Variants in NCKAP5 observed in about 807,000 individuals in gnomAD.
NCKAP5 encodes NCK associated protein 5, also known as nck-associated protein 5.
In NCKAP5, 92 loss-of-function variants were observed where a neutral mutation model predicts 167.0. That is an observed-to-expected ratio of 0.55 (90% CI 0.47 to 0.66). The LOEUF (loss-of-function observed/expected upper bound fraction) is 0.66, where lower values mean the gene tolerates loss of function less well. Ranked by LOEUF, NCKAP5 falls within the 30% of genes least tolerant of loss-of-function variation. NCKAP5 has a pLI of 0.00. For missense variants in NCKAP5, 2,378 were observed against 2,315.0 expected (o/e 1.03, Z -0.56); for synonymous variants, 891 against 877.4 (o/e 1.02, Z -0.27).
chr2:132,977,439 C>T (rs2149257015), intron 7 of NCKAP5, among the ~76,000 whole-genome samples: 1 of 152,076 alleles, frequency 6.6e-6, no homozygotes, highest in Non-Finnish European at 1.5e-5. Flanking sequence ...TAACTGACAC[C>T]CCCTGCCACA....
At chr2:133,428,008 T>C (rs1407104035) in intron 3 of NCKAP5, among the ~76,000 whole-genome samples, 1 of 152,114 alleles carries the variant, frequency 6.6e-6, no homozygotes, top group Non-Finnish European at 1.5e-5. Context: ...ACAGGTATTA[T>C]CATAAAAGTG....
intron 4 of NCKAP5, among the ~76,000 whole-genome samples, chr2:133,289,394 T>C (rs759209872): frequency 8.3e-6 from 1 of 120,830 alleles, no homozygotes; most frequent in Admixed American, 9.2e-5. Context: ...GCCCGGGTCA[T>C]TGTTATTTGT....
intron 6 of NCKAP5, 64 bp downstream of exon 6, chr2:133,129,914 A>G: frequency 6.8e-7 from 1 of 1,479,732 alleles, no homozygotes; most frequent in Non-Finnish European, 9.0e-7. Context: ...CATTCAATCC[A>G]AGGTGTTACT....
intron 16 of NCKAP5, among the ~76,000 whole-genome samples, chr2:132,747,761 TG>T (rs1679773352): frequency 6.6e-6 from 1 of 152,208 alleles, no homozygotes; most frequent in Admixed American, 6.5e-5. Context: ...GTGCTTCACT[TG>T]TATTATGTCA....
At chr2:133,558,870 T>G (rs13407190) in intron 2 of NCKAP5, among the ~76,000 whole-genome samples, 180 bp downstream of exon 2, 1 of 152,044 alleles carries the variant, frequency 6.6e-6, no homozygotes, top group Non-Finnish European at 1.5e-5. Flanking sequence ...CATTTGACAT[T>G]AGGATTAAAC....
intron 3 of NCKAP5, among the ~76,000 whole-genome samples, chr2:133,344,775 A>G (rs1452286367): frequency 6.6e-6 from 1 of 152,134 alleles, no homozygotes; most frequent in Non-Finnish European, 1.5e-5. Context: ...ATATACCACC[A>G]TTAGATGCAA....
At chr2:132,893,830 TAA>T (rs1464738733) in intron 8 of NCKAP5, among the ~76,000 whole-genome samples, 1 of 152,186 alleles carries the variant, frequency 6.6e-6, no homozygotes. Flanking sequence ...TTTTTAATTA[TAA>T]ATATACATTT....
chr2:133,290,428 C>T (rs1679494906), intron 4 of NCKAP5, among the ~76,000 whole-genome samples: 1 of 152,150 alleles, frequency 6.6e-6, no homozygotes, highest in African/African-American at 2.4e-5. Context: ...TTATGAGATA[C>T]AAATATACAT....
chr2:133,404,180 G>T (rs958066621), intron 3 of NCKAP5, among the ~76,000 whole-genome samples: 3 of 152,174 alleles, frequency 2.0e-5, no homozygotes, highest in African/African-American at 7.2e-5. Context: ...ACTACATTTT[G>T]ATCATGACTG....
intron 6 of NCKAP5, among the ~76,000 whole-genome samples, chr2:133,007,476 T>C (rs754951805): frequency 6.6e-6 from 1 of 152,142 alleles, no homozygotes; most frequent in Non-Finnish European, 1.5e-5. Flanking sequence ...AAGTTTCAGC[T>C]AGTAATTGGT....
At chr2:132,838,804 C>A (rs1163371864) in intron 11 of NCKAP5, among the ~76,000 whole-genome samples, 3 of 152,146 alleles carry the variant, frequency 2.0e-5, no homozygotes, top group Non-Finnish European at 4.4e-5. Context: ...TAGCTATTGC[C>A]AGCTGCCATT....
intron 12 of NCKAP5, among the ~76,000 whole-genome samples, chr2:132,792,019 C>T (rs1574233495): frequency 1.3e-5 from 2 of 149,624 alleles, no homozygotes; most frequent in South Asian, 2.2e-4. Context: ...TCTCCCTTGG[C>T]CTTGAACTTG....
chr2:133,404,778 C>CTT (rs1178469802), intron 3 of NCKAP5, among the ~76,000 whole-genome samples: 2 of 152,190 alleles, frequency 1.3e-5, no homozygotes, highest in Non-Finnish European at 2.9e-5. Context: ...ATATTCAGGT[C>CTT]TTTTCTTTCA....
At chr2:132,729,739 A>G (rs1690803870) in intron 17 of NCKAP5, among the ~76,000 whole-genome samples, 1 of 152,184 alleles carries the variant, frequency 6.6e-6, no homozygotes, top group Admixed American at 6.5e-5. Flanking sequence ...TGCCTTTGTC[A>G]TGCCAGAATG....
At chr2:133,639,127 C>T in the NCKAP5 span, among the ~76,000 whole-genome samples, 1 of 152,080 alleles carries the variant, frequency 6.6e-6, no homozygotes, top group Non-Finnish European at 1.5e-5. Context: ...CCATCTTATA[C>T]CATCTACTAG....
chr2:133,384,444 G>C (rs1207564766), intron 3 of NCKAP5, among the ~76,000 whole-genome samples: 4 of 152,046 alleles, frequency 2.6e-5, no homozygotes, highest in Non-Finnish European at 4.4e-5. Context: ...GTGCCATGCT[G>C]TTTGGTTACT....
intron 4 of NCKAP5, chr2:133,269,031 A>G (rs374481481): frequency 1.2e-4 from 19 of 152,308 alleles, no homozygotes; most frequent in African/African-American, 4.1e-4. Flanking sequence ...ACCATCCTGC[A>G]CAAGAAATTG....
At chr2:133,226,297 T>G (rs1005819197) in intron 4 of NCKAP5, among the ~76,000 whole-genome samples, 3 of 152,058 alleles carry the variant, frequency 2.0e-5, no homozygotes, top group African/African-American at 4.8e-5. Flanking sequence ...CCACAAATAT[T>G]ATGTTGCTTA....
chr2:132,873,455 C>T (rs1691001705), intron 9 of NCKAP5, among the ~76,000 whole-genome samples: 2 of 152,086 alleles, frequency 1.3e-5, no homozygotes, highest in East Asian at 1.9e-4. Flanking sequence ...CTTGGAAAGG[C>T]GTGAGGGGTA....
Sources: gnomAD v4.1 joint callset for allele counts (sites outside exome capture counted in the v4.1 genomes callset) on GRCh38, gnomAD v4.1.1 for gene constraint, MANE v1.5 for transcripts, NCBI Gene and HGNC (gene_info 2026-07-23, HGNC 2026-07-21) for gene names.